Variants in PCGF5 observed in about 807,000 individuals in gnomAD.
PCGF5 encodes polycomb group RING finger protein 5.
In PCGF5, 9 loss-of-function variants were observed where a neutral mutation model predicts 44.3. The ratio of observed to expected loss-of-function variants is 0.20; its 90% confidence interval spans 0.12 to 0.35. PCGF5 has a LOEUF of 0.35. PCGF5 is among the 10% of genes least tolerant of loss of function. The pLI, the probability that PCGF5 is intolerant of heterozygous loss-of-function variation, is 1.00. For missense variants in PCGF5, 146 were observed against 305.3 expected (o/e 0.48, Z 3.89); for synonymous variants, 95 against 102.5 (o/e 0.93, Z 0.44).
At chr10:91,224,079 TTA>T (rs1303317555) in intron 2 of PCGF5, among the ~76,000 whole-genome samples, 13 of 152,218 alleles carry the variant, frequency 8.5e-5, no homozygotes, top group African/African-American at 3.1e-4. Flanking sequence ...ATGGCAAATT[TTA>T]TGTTACATTT....
chr10:91,268,922 A>C (rs1846109937), intron 8 of PCGF5, among the ~76,000 whole-genome samples: 1 of 152,068 alleles, frequency 6.6e-6, no homozygotes, highest in Admixed American at 6.6e-5. Flanking sequence ...AAATTTTTTC[A>C]GTTCGTATCA....
intron 2 of PCGF5, among the ~76,000 whole-genome samples, chr10:91,225,881 A>G (rs1042247581): frequency 1.3e-5 from 2 of 152,082 alleles, no homozygotes; most frequent in African/African-American, 4.8e-5. Context: ...CCTGGGTTTC[A>G]ACTCTTCTAC....
At chr10:91,219,122 T>C (rs1386408083), upstream of PCGF5, among the ~76,000 whole-genome samples, 1 of 152,288 alleles carries the variant, frequency 6.6e-6, no homozygotes, top group African/African-American at 2.4e-5. Flanking sequence ...CTTATAAAAG[T>C]TGTAGTTCTC....
At chr10:91,213,777 G>T (rs1263670532) in intron 1 of PCGF5, among the ~76,000 whole-genome samples, 1 of 151,944 alleles carries the variant, frequency 6.6e-6, no homozygotes, top group Non-Finnish European at 1.5e-5. Flanking sequence ...GAGCCACCAT[G>T]CCCAGCCACT....
intron 1 of PCGF5, among the ~76,000 whole-genome samples, chr10:91,167,082 T>G (rs1843513938): frequency 6.6e-6 from 1 of 152,196 alleles, no homozygotes; most frequent in South Asian, 2.1e-4. Flanking sequence ...TAGTTAAAGG[T>G]AATTCATATA....
At chr10:91,158,850 G>C (rs1843348336), upstream of PCGF5, among the ~76,000 whole-genome samples, 1 of 152,088 alleles carries the variant, frequency 6.6e-6, no homozygotes, top group Non-Finnish European at 1.5e-5. Flanking sequence ...CAATATTTTT[G>C]GCCCTTTGAA....
intron 8 of PCGF5, among the ~76,000 whole-genome samples, chr10:91,269,348 G>A (rs1361464475): frequency 6.6e-6 from 1 of 151,960 alleles, no homozygotes; most frequent in African/African-American, 2.4e-5. Flanking sequence ...CATACCCAGG[G>A]GTCATCACAT....
intron 2 of PCGF5, among the ~76,000 whole-genome samples, chr10:91,223,756 C>G (rs1159330098): frequency 6.6e-6 from 1 of 152,090 alleles, no homozygotes; most frequent in African/African-American, 2.4e-5. Flanking sequence ...GTGATTTCAT[C>G]TTAGCTTTAC....
intron 3 of PCGF5, among the ~76,000 whole-genome samples, chr10:91,247,874 A>G (rs1475290331): frequency 6.6e-6 from 1 of 152,086 alleles, no homozygotes; most frequent in Non-Finnish European, 1.5e-5. Context: ...AAAAGCAAGC[A>G]TTTATTATTC....
At chr10:91,186,372 G>A (rs1197967623) in intron 1 of PCGF5, among the ~76,000 whole-genome samples, 2 of 152,180 alleles carry the variant, frequency 1.3e-5, no homozygotes, top group South Asian at 4.1e-4. Context: ...TGATTAGCAA[G>A]CAAGAGATGA....
At chr10:91,193,777 A>G (rs1454655755) in intron 1 of PCGF5, among the ~76,000 whole-genome samples, 4 of 152,168 alleles carry the variant, frequency 2.6e-5, no homozygotes, top group African/African-American at 9.7e-5. Context: ...ACTCTAGTAG[A>G]CTGTAAAGAG....
upstream of PCGF5, among the ~76,000 whole-genome samples, chr10:91,160,735 G>A (rs904245680): frequency 1.3e-5 from 2 of 152,170 alleles, no homozygotes; most frequent in Non-Finnish European, 2.9e-5. Context: ...ATGTAAGGGA[G>A]TGACGGCGAA....
intron 2 of PCGF5, among the ~76,000 whole-genome samples, chr10:91,230,088 G>A (rs1844959486): frequency 6.6e-6 from 1 of 152,122 alleles, no homozygotes; most frequent in Non-Finnish European, 1.5e-5. Flanking sequence ...TTGAAACTAT[G>A]TATTAGATAG....
chr10:91,156,918 A>C, the PCGF5 span, among the ~76,000 whole-genome samples: 1 of 152,234 alleles, frequency 6.6e-6, no homozygotes, highest in Non-Finnish European at 1.5e-5. Flanking sequence ...TAACTACTAT[A>C]TACTAAGTTA....
chr10:91,210,481 T>A (rs1469514555), intron 1 of PCGF5, among the ~76,000 whole-genome samples: 1 of 152,162 alleles, frequency 6.6e-6, no homozygotes, highest in Admixed American at 6.5e-5. Context: ...CACCTGAAGA[T>A]CTCTAATGTC....
At chr10:91,176,499 A>C (rs958568196) in intron 1 of PCGF5, among the ~76,000 whole-genome samples, 1 of 152,196 alleles carries the variant, frequency 6.6e-6, no homozygotes, top group Non-Finnish European at 1.5e-5. Flanking sequence ...AATATCCTGC[A>C]GAGTGTTTTC....
chr10:91,242,770 G>T (rs757176030), intron 3 of PCGF5, among the ~76,000 whole-genome samples: 1 of 152,096 alleles, frequency 6.6e-6, no homozygotes, highest in East Asian at 1.9e-4. Flanking sequence ...CTATTTGAGG[G>T]TAAGTTACAT....
chr10:91,254,513 C>T (rs1845701291), intron 6 of PCGF5, among the ~76,000 whole-genome samples: 1 of 151,970 alleles, frequency 6.6e-6, no homozygotes, highest in Non-Finnish European at 1.5e-5. Flanking sequence ...GTTCTAGGCA[C>T]TGATACTATC....
intron 1 of PCGF5, among the ~76,000 whole-genome samples, chr10:91,205,671 A>G (rs536054293): frequency 6.6e-5 from 10 of 152,270 alleles, no homozygotes; most frequent in East Asian, 3.9e-4. Flanking sequence ...AATCATTGAC[A>G]GTATATTTAC....
Sources: allele counts gnomAD v4.1 joint callset (sites outside exome capture counted in the v4.1 genomes callset), GRCh38; gene constraint gnomAD v4.1.1; transcripts MANE v1.5; gene names NCBI Gene and HGNC (gene_info 2026-07-23, HGNC 2026-07-21).